The following EMILIN2 variants were observed in gnomAD, a reference collection of about 807,000 sequenced individuals.
EMILIN2 encodes elastin microfibril interfacer 2.
In EMILIN2, 71 loss-of-function variants were observed where a neutral mutation model predicts 87.1. The ratio of observed to expected loss-of-function variants is 0.82; its 90% CI spans 0.67 to 0.99. EMILIN2 has a LOEUF of 0.99. Among genes scored for constraint, EMILIN2 ranks in the 50% least tolerant of loss-of-function variants. The probability of loss-of-function intolerance (pLI) is 0.00; values close to 1 mark genes in which losing one functional copy is unlikely to be tolerated. For synonymous variants in EMILIN2, 581 were observed against 563.4 expected, an observed-to-expected ratio of 1.03 and a Z score of -0.44; for missense variants, 1,407 against 1,371.8, an observed-to-expected ratio of 1.03 and a Z score of -0.40.
chr18:2,910,111 G>C (rs1568487387), intron 7 of EMILIN2, among the ~76,000 whole-genome samples: 1 of 151,808 alleles, frequency 6.6e-6, no homozygotes, highest in Non-Finnish European at 1.5e-5. Context: ...ATTTTTTACA[G>C]CAGTTATGAG....
At chr18:2,898,977 T>A (rs2076875758) in intron 4 of EMILIN2, among the ~76,000 whole-genome samples, 1 of 152,202 alleles carries the variant, frequency 6.6e-6, no homozygotes. Flanking sequence ...TTGGTTCGTG[T>A]AAACCGCAGC....
intron 3 of EMILIN2, among the ~76,000 whole-genome samples, chr18:2,889,692 C>CTTTTTTTTTTTTTTTTTTTTTTTT (rs34248672): frequency 2.8e-4 from 27 of 96,628 alleles, no homozygotes; most frequent in Non-Finnish European, 4.0e-4. Context: ...TTTTTCTTTT[C>CTTTTTTTTTTTTTTTTTTTTTTTT]TTTTTTTTTT....
chr18:2,856,968 G>T (rs1303809623), intron 2 of EMILIN2, among the ~76,000 whole-genome samples: 2 of 152,128 alleles, frequency 1.3e-5, no homozygotes, highest in East Asian at 3.8e-4. Flanking sequence ...GTTTTAAAAT[G>T]GTGATGAGGG....
chr18:2,890,701 C>T lies in EMILIN2; in HGVS notation c.574C>T (p.Leu192Phe), dbSNP rs766273785. Residue 192 changes from leucine (L) to phenylalanine (F), a missense_variant, in exon 4 of 8, where the codon CTT (leucine) becomes TTT (phenylalanine). Coordinates refer to ENST00000254528, the MANE Select transcript of EMILIN2 (RefSeq NM_032048.3). The surrounding 1 kb of genome is among the most constrained non-coding windows in gnomAD (Gnocchi z 4.7). Reference sequence around the variant, plus strand: ...GATACAGGTGCTAGAGGAGAAGGTTCTTCGACTCACAAGGACGGTTCTTGA... The same window carrying T: ...GATACAGGTGCTAGAGGAGAAGGTTTTTCGACTCACAAGGACGGTTCTTGA... Reference protein sequence around the residue: ...KKIQVLEEKVLRLTRTVLDLQ... With the variant: ...KKIQVLEEKVFRLTRTVLDLQ... 3.1e-6 allele frequency: 5 copies of T among 1,614,160 alleles called. No individual in the cohort carries two copies. Among genetic ancestry groups the T allele is most frequent in the Non-Finnish European group, 3.4e-6 (4 of 1,180,034 alleles).
intron 2 of EMILIN2, among the ~76,000 whole-genome samples, chr18:2,863,457 C>A (rs2076671351): frequency 1.3e-5 from 2 of 152,174 alleles, no homozygotes; most frequent in Non-Finnish European, 2.9e-5. Flanking sequence ...ATCTTTATTT[C>A]TGCCTTCATT....
Position 2,865,544 on chromosome 18 carries a change from T to A in EMILIN2, c.257+17613T>A, listed in dbSNP as rs891880728. On this transcript the variant is annotated intron_variant, in intron 2 of 7. Transcript: ENST00000254528. ...ACAGCGGATATTGGTGAACAGCAAA[T>A]GTTGCTGGCTGATCGTTCCTCTGGA... Among the ~76,000 whole-genome samples the A allele has an allele frequency of 2.6e-5, 4 of 152,128 alleles. No individual in the cohort carries two copies. In the East Asian group the frequency reaches 7.7e-4, roughly 29 times the overall value.
intron 7 of EMILIN2, among the ~76,000 whole-genome samples, chr18:2,912,749 C>T: frequency 6.6e-6 from 1 of 152,186 alleles, no homozygotes; most frequent in Non-Finnish European, 1.5e-5. Flanking sequence ...TTTTTATTGG[C>T]CCTGCCTCCC....
At chr18:2,895,320 G>A (rs2076858374) in intron 4 of EMILIN2, among the ~76,000 whole-genome samples, 1 of 152,154 alleles carries the variant, frequency 6.6e-6, no homozygotes, top group South Asian at 2.1e-4. Context: ...AAGGTGAGAT[G>A]AGAGAAGCTT....
In EMILIN2 at chr18:2,850,923, G is replaced by C. The variant is rs185881503; in HGVS notation, c.257+2992G>C. Among the ~76,000 whole-genome samples, 47 of 152,174 alleles carry C rather than the reference G, an allele frequency of 3.1e-4. No individual in the cohort carries two copies. The East Asian group carries it at 6.8e-3, about 22-fold the overall frequency. On this transcript the variant is annotated intron_variant, in intron 2 of 7. Transcript: ENST00000254528. ...TCAGGAGAAGTCCTGGAGGCTTCAG[G>C]CTCCAGAAAGGCCATGGGTTAGTGA...
At chr18:2,883,089 G>A (rs185326562) in intron 2 of EMILIN2, among the ~76,000 whole-genome samples, 242 of 152,268 alleles carry the variant, frequency 1.6e-3, no homozygotes, top group Non-Finnish European at 2.6e-3. Flanking sequence ...ACAGTGGAAG[G>A]TGCTAGGAGG....
intron 4 of EMILIN2, among the ~76,000 whole-genome samples, chr18:2,900,058 CTTA>C (rs2076881591): frequency 6.6e-6 from 1 of 152,056 alleles, no homozygotes; most frequent in Admixed American, 6.6e-5. Flanking sequence ...TGTCTGGATT[CTTA>C]TTATTTTGGT....
chr18:2,909,333 C>T (rs369406017), intron 6 of EMILIN2, among the ~76,000 whole-genome samples: 7 of 152,216 alleles, frequency 4.6e-5, no homozygotes, highest in African/African-American at 1.4e-4. Context: ...GGAAGCAGCT[C>T]CCTAGATGAT....
chr18:2,864,411 G>A (rs1326890453), intron 2 of EMILIN2, among the ~76,000 whole-genome samples: 1 of 152,098 alleles, frequency 6.6e-6, no homozygotes, highest in Non-Finnish European at 1.5e-5. Flanking sequence ...TTTAGGGCAG[G>A]CCTGGTGGTG....
chr18:2,890,847 T>C lies in EMILIN2; in HGVS notation c.720T>C (p.Ser240=), dbSNP rs368333068. The C allele has an allele frequency of 1.5e-5, 24 of 1,613,500 alleles. No individual in the cohort carries two copies. Among genetic ancestry groups the C allele is most frequent in the Non-Finnish European group, 1.7e-5 (20 of 1,179,990 alleles). The change falls in exon 4 of 8, where the codon AGT becomes AGC. Residue 240 remains serine (S), a synonymous_variant. Transcript: ENST00000254528. This position sits in a 1 kb window ranked among gnomAD's most constrained non-coding sequence, Gnocchi z 4.7. ...ACCCCAAGCCTGACACCACTGTTAG[T>C]GGAGACACAGAAACGGGCCAGAGTC... is the stretch of plus-strand genomic sequence containing the variant. ...SQHPKPDTTV[S]GDTETGQSPG...
intron 2 of EMILIN2, among the ~76,000 whole-genome samples, chr18:2,856,481 G>A (rs1462432101): frequency 5.3e-5 from 8 of 152,106 alleles, no homozygotes; most frequent in Non-Finnish European, 8.8e-5. Flanking sequence ...CTATCCCACC[G>A]CCCCTAATGT....
chr18:2,908,279 C>T (rs1021935089), intron 5 of EMILIN2, among the ~76,000 whole-genome samples: 4 of 152,198 alleles, frequency 2.6e-5, no homozygotes, highest in African/African-American at 7.2e-5. Flanking sequence ...GTATCCCTTC[C>T]ATCCACCCTT....
At chr18:2,868,356 G>A (rs1277212930) in intron 2 of EMILIN2, among the ~76,000 whole-genome samples, 3 of 152,156 alleles carry the variant, frequency 2.0e-5, no homozygotes. Context: ...CCCAGACGAT[G>A]GGCGGCCACG....
intron 2 of EMILIN2, among the ~76,000 whole-genome samples, chr18:2,875,391 G>C (rs770767640): frequency 1.3e-5 from 2 of 152,230 alleles, no homozygotes; most frequent in East Asian, 1.9e-4. Flanking sequence ...CGTGAGACCA[G>C]TGTTCTGTGA....
At position 2,891,238 on chromosome 18, in the gene EMILIN2, G is replaced by A; in HGVS notation, c.1111G>A (p.Glu371Lys). Residue 371 changes from glutamate to lysine, a missense_variant, in exon 4 of 8, where the codon GAG becomes AAG. Physicochemically the swap from Glu to Lys is moderately conservative, Grantham distance 56. Coordinates refer to ENST00000254528, the MANE Select transcript of EMILIN2 (RefSeq NM_032048.3). This position sits in a 1 kb window ranked among gnomAD's most constrained non-coding sequence, Gnocchi z 4.6. ...CCTGGGAGTGATAGAGCTCATAGGG[G>A]AGAAGGAAACAAGCCTGAGAAAAGA... is the stretch of plus-strand genomic sequence containing the variant. ...SYLGVIELIG[E>K]KETSLRKEIN... is the part of the protein sequence containing the mutation. 1 of 1,614,206 alleles carries A rather than the reference G, an allele frequency of 6.2e-7. No individual in the cohort carries two copies. Among genetic ancestry groups the A allele is most frequent in the Non-Finnish European group, 8.5e-7 (1 of 1,180,050 alleles).
Sources: allele counts gnomAD v4.1 joint callset (sites outside exome capture counted in the v4.1 genomes callset), GRCh38; gene constraint gnomAD v4.1.1; non-coding constraint Gnocchi (gnomAD v3.1); transcripts MANE v1.5; gene names NCBI Gene and HGNC (gene_info 2026-07-23, HGNC 2026-07-21).